The following ALK variants were observed in gnomAD, a reference collection of about 807,000 sequenced individuals.
ALK encodes ALK receptor tyrosine kinase.
In ALK, 74 loss-of-function variants were observed where a neutral mutation model predicts 163.1. The ratio of observed to expected loss-of-function variants is 0.45; its 90% CI spans 0.38 to 0.55. The LOEUF is 0.55. Among genes scored for constraint, ALK ranks in the 20% least tolerant of loss-of-function variants. The pLI is 0.00. For synonymous variants in ALK, 960 were observed against 843.2 expected, an observed-to-expected ratio of 1.14 and a Z score of -2.40; for missense variants, 2,063 against 2,105.3, an observed-to-expected ratio of 0.98 and a Z score of 0.39.
At chr2:29,377,782 A>T (rs758357868) in intron 5 of ALK, among the ~76,000 whole-genome samples, 1 of 152,236 alleles carries the variant, frequency 6.6e-6, no homozygotes, top group Non-Finnish European at 1.5e-5. Context: ...GTTTCAAGGT[A>T]TCCATAATAA....
At chr2:29,383,664 G>A in intron 5 of ALK, 68 bp downstream of exon 5, 2 of 1,606,456 alleles carry the variant, frequency 1.2e-6, no homozygotes, top group Non-Finnish European at 1.7e-6. Flanking sequence ...GCCAAACATG[G>A]TTGCAGGTTA....
At chr2:29,405,246 A>G (rs1669555920) in intron 4 of ALK, among the ~76,000 whole-genome samples, 1 of 152,150 alleles carries the variant, frequency 6.6e-6, no homozygotes, top group Non-Finnish European at 1.5e-5. Flanking sequence ...ATGGAGAAAC[A>G]CTGAAGGGGT....
chr2:29,283,652 T>C (rs1030964498), intron 9 of ALK, among the ~76,000 whole-genome samples: 2 of 152,144 alleles, frequency 1.3e-5, no homozygotes, highest in African/African-American at 4.8e-5. Flanking sequence ...GTCTATATAG[T>C]TGGTGGGGCC....
chr2:29,639,579 G>A (rs894909941), intron 3 of ALK, among the ~76,000 whole-genome samples: 2 of 152,082 alleles, frequency 1.3e-5, no homozygotes, highest in African/African-American at 4.8e-5. Context: ...TATAGAATAG[G>A]AAATCAAGAC....
chr2:29,197,855 T>C (rs1045411058), intron 26 of ALK, among the ~76,000 whole-genome samples, 179 bp from the exon 27 acceptor site: 4 of 152,206 alleles, frequency 2.6e-5, no homozygotes, highest in Non-Finnish European at 5.9e-5. Flanking sequence ...CTACACATGA[T>C]GCTCCCTTAA....
At chr2:29,343,431 T>G (rs528398431) in intron 5 of ALK, among the ~76,000 whole-genome samples, 2 of 151,248 alleles carry the variant, frequency 1.3e-5, no homozygotes, top group South Asian at 4.2e-4. Context: ...CCCAGTCTGA[T>G]CTTGAACTCC....
chr2:29,449,753 C>A (rs912287522), intron 4 of ALK, among the ~76,000 whole-genome samples: 17 of 152,204 alleles, frequency 1.1e-4, no homozygotes, highest in Non-Finnish European at 2.2e-4. Context: ...TCTGTAGAGG[C>A]ATGGATTGCC....
intron 1 of ALK, among the ~76,000 whole-genome samples, chr2:29,723,596 C>T (rs1295452342): frequency 2.6e-5 from 4 of 152,224 alleles, no homozygotes; most frequent in Non-Finnish European, 5.9e-5. Flanking sequence ...GGTGTTATCT[C>T]TGGCACTTAT....
chr2:29,383,508 G>C (rs1018038935), intron 5 of ALK, among the ~76,000 whole-genome samples: 1 of 152,072 alleles, frequency 6.6e-6, no homozygotes, highest in African/African-American at 2.4e-5. Flanking sequence ...GTAGAGACAG[G>C]GTTTTGCCAT....
chr2:29,365,666 A>C (rs1167198120), intron 5 of ALK, among the ~76,000 whole-genome samples: 1 of 152,236 alleles, frequency 6.6e-6, no homozygotes, highest in Non-Finnish European at 1.5e-5. Context: ...CAAGCTCTGA[A>C]TCTGACTCAG....
intron 25 of ALK, 111 bp downstream of exon 25, chr2:29,209,675 A>C (rs1669410748): frequency 2.6e-6 from 2 of 774,446 alleles, no homozygotes; most frequent in South Asian, 3.1e-5. Flanking sequence ...TTTTAGGTAG[A>C]AAGTTGACAG....
In ALK at chr2:29,631,364, T is replaced by C. The variant is rs1472416960; in HGVS notation, c.952+63486A>G. ...GTTTCTAAACTCAAAACAGTTCAGATCAATCAGGGGAATCTTGCTGACATG... is the reference window on the plus strand; with the variant it reads ...GTTTCTAAACTCAAAACAGTTCAGACCAATCAGGGGAATCTTGCTGACATG... On this transcript the variant is annotated intron_variant, in intron 3 of 28. Coordinates refer to ENST00000389048, the MANE Select transcript of ALK (RefSeq NM_004304.5). Among the ~76,000 whole-genome samples the C allele has an allele frequency of 2.0e-5, 3 of 152,214 alleles. No individual in the cohort carries two copies. The East Asian group carries it at 5.8e-4, about 29-fold the overall frequency.
chr2:29,511,001 C>G (rs928047174), intron 4 of ALK, among the ~76,000 whole-genome samples: 3 of 152,184 alleles, frequency 2.0e-5, no homozygotes, highest in South Asian at 2.1e-4. Flanking sequence ...CTCACTAGCC[C>G]TTCACCCTTA....
At chr2:29,710,499 C>CGTGTGTGTGTGT (rs55939983) in intron 2 of ALK, among the ~76,000 whole-genome samples, 150 of 144,762 alleles carry the variant, frequency 1.0e-3, no homozygotes, top group Middle Eastern at 7.0e-3. Context: ...AGTCTGTGTG[C>CGTGTGTGTGTGT]GTGTGTGTGT....
intron 1 of ALK, among the ~76,000 whole-genome samples, chr2:29,910,682 C>A (rs866419351): frequency 1.1e-4 from 17 of 152,122 alleles, no homozygotes; most frequent in Non-Finnish European, 2.2e-4. Context: ...ATAATGCAAA[C>A]CATGTAACAA....
intron 1 of ALK, among the ~76,000 whole-genome samples, chr2:29,746,559 T>C (rs996797560): frequency 6.6e-5 from 10 of 152,222 alleles, no homozygotes; most frequent in African/African-American, 2.2e-4. Flanking sequence ...TACCCAGGCA[T>C]AGGGTTTAAT....
chr2:29,413,345 T>C (rs1465764339), intron 4 of ALK, among the ~76,000 whole-genome samples: 1 of 151,894 alleles, frequency 6.6e-6, no homozygotes, highest in Non-Finnish European at 1.5e-5. Flanking sequence ...AAACACATAC[T>C]TGTTATCTTT....
At chr2:29,813,466 C>CT (rs1207553462) in intron 1 of ALK, among the ~76,000 whole-genome samples, 4 of 152,048 alleles carry the variant, frequency 2.6e-5, no homozygotes, top group Non-Finnish European at 5.9e-5. Context: ...AAGGAAATAA[C>CT]TGTGTTGAGG....
At chr2:29,266,331 G>A (rs924706922) in intron 11 of ALK, among the ~76,000 whole-genome samples, 1 of 152,192 alleles carries the variant, frequency 6.6e-6, no homozygotes, top group Non-Finnish European at 1.5e-5. Flanking sequence ...ACATATTTAT[G>A]TGTATACATA....
Sources: allele counts gnomAD v4.1 joint callset (sites outside exome capture counted in the v4.1 genomes callset), GRCh38; gene constraint gnomAD v4.1.1; transcripts MANE v1.5; gene names NCBI Gene and HGNC (gene_info 2026-07-23, HGNC 2026-07-21).